Variants in RNF17 observed in about 807,000 individuals in gnomAD.
RNF17 encodes spermatogenesis associated 23.
RNF17 carries 31 observed loss-of-function variants against 200.5 expected under a neutral mutation model. The ratio of observed to expected loss-of-function variants is 0.15; its 90% confidence interval spans 0.12 to 0.21. RNF17 has a LOEUF of 0.21. Ranked by LOEUF, RNF17 falls within the 10% of genes least tolerant of loss-of-function variation. The probability of loss-of-function intolerance (pLI) is 1.00; values close to 1 mark genes in which losing one functional copy is unlikely to be tolerated. For missense variants in RNF17, 1,628 were observed against 1,905.1 expected (o/e 0.85, Z 2.71); for synonymous variants, 606 against 637.8 (o/e 0.95, Z 0.75).
chr13:24,767,063 G>C (rs1879800419), intron 1 of RNF17, among the ~76,000 whole-genome samples: 2 of 152,108 alleles, frequency 1.3e-5, no homozygotes, highest in Non-Finnish European at 2.9e-5. Flanking sequence ...AATCACAATA[G>C]AATTTCTTCA....
intron 24 of RNF17, 95 bp from the exon 25 acceptor site, chr13:24,853,760 A>T: frequency 1.1e-6 from 1 of 891,886 alleles, no homozygotes; most frequent in Non-Finnish European, 1.6e-6. Flanking sequence ...ATTTTCTTTC[A>T]ATTTCATGTA....
chr13:24,860,080 A>C (rs1322924109), intron 26 of RNF17, among the ~76,000 whole-genome samples: 2 of 151,822 alleles, frequency 1.3e-5, no homozygotes, highest in East Asian at 3.9e-4. Flanking sequence ...AAATAGTTTC[A>C]AATTTGGGGT....
chr13:24,877,336 A>G (rs1336752889), intron 34 of RNF17, 150 bp downstream of exon 34: 6 of 582,200 alleles, frequency 1.0e-5, no homozygotes, highest in East Asian at 6.7e-5. Context: ...AGCTTTATAT[A>G]TACATATAAA....
intron 18 of RNF17, among the ~76,000 whole-genome samples, chr13:24,840,578 G>T (rs183242720): frequency 1.5e-4 from 23 of 152,190 alleles, no homozygotes; most frequent in African/African-American, 5.1e-4. Context: ...AGCCATAAAA[G>T]GAATGAATTA....
Position 24,868,675 on chromosome 13 carries a change from C to A in RNF17, c.4237C>A (p.Leu1413Ile), listed in dbSNP as rs767341285. Residue 1413 changes from leucine to isoleucine, a missense_variant, in exon 31 of 36, where the codon CTC becomes ATC. Physicochemically the swap from Leu to Ile is conservative, Grantham distance 5 (BLOSUM62 2). This residue lies in a region of RNF17 where 609 missense variants were observed against 681.9 expected (regional missense o/e 0.89). Coordinates refer to ENST00000255324, the MANE Select transcript of RNF17 (RefSeq NM_031277.3). Reference sequence around the variant, plus strand: ...TTCATCTCTGCCTTCCCCAGGAGAACTCTATGCTGTTCAAGTTAAGCACGT... The same window carrying A: ...TTCATCTCTGCCTTCCCCAGGAGAAATCTATGCTGTTCAAGTTAAGCACGT... ...LSSSLPSPGE[L>I]YAVQVKHVVS... 2.5e-6 allele frequency: 4 copies of A among 1,604,470 alleles called. No individual in the cohort carries two copies. The South Asian group carries it at 4.4e-5, about 18-fold the overall frequency.
intron 1 of RNF17, 86 bp from the exon 2 acceptor site, chr13:24,767,186 T>C: frequency 1.1e-6 from 1 of 873,382 alleles, no homozygotes; most frequent in East Asian, 2.6e-5. Flanking sequence ...CTGGTGCCAC[T>C]ACACTCCAGC....
chr13:24,804,980 T>C (rs1885673802), intron 15 of RNF17, among the ~76,000 whole-genome samples: 1 of 152,182 alleles, frequency 6.6e-6, no homozygotes, highest in Non-Finnish European at 1.5e-5. Flanking sequence ...AGAAAGACAC[T>C]GTTGTCTCCA....
intron 5 of RNF17, among the ~76,000 whole-genome samples, chr13:24,780,756 C>G (rs903372864): frequency 2.0e-5 from 3 of 152,040 alleles, no homozygotes; most frequent in African/African-American, 7.2e-5. Context: ...GTGGCACCCA[C>G]CTGTAGTTCC....
intron 12 of RNF17, 88 bp downstream of exon 12, chr13:24,799,672 G>A: frequency 1.3e-6 from 1 of 781,654 alleles, no homozygotes; most frequent in South Asian, 1.9e-5. Context: ...ATTAGAGGTA[G>A]AGAGGAGTAA....
chr13:24,802,876 C>T (rs187212999), intron 14 of RNF17, among the ~76,000 whole-genome samples: 1 of 152,210 alleles, frequency 6.6e-6, no homozygotes, highest in East Asian at 1.9e-4. Context: ...CATAGCTAGA[C>T]CTCGTCTCTA....
At chr13:24,761,137 A>G (rs1252839461), upstream of RNF17, among the ~76,000 whole-genome samples, 1 of 152,210 alleles carries the variant, frequency 6.6e-6, no homozygotes, top group Admixed American at 6.5e-5. Flanking sequence ...ACGTCTATTC[A>G]ATAGATTAAT....
chr13:24,868,434 C>T (rs1182673983), intron 30 of RNF17, among the ~76,000 whole-genome samples, 166 bp from the exon 31 acceptor site: 1 of 125,548 alleles, frequency 8.0e-6, no homozygotes, highest in East Asian at 2.4e-4. Context: ...CCCGCCACTG[C>T]ACTCCAGCCT....
chr13:24,748,587 A>G, the RNF17 span, among the ~76,000 whole-genome samples: 36,499 of 152,162 alleles, frequency 0.24, 5,126 homozygotes, highest in East Asian at 0.45. Context: ...AACGAGTAAA[A>G]TGGTAAGGTG....
chr13:24,882,867 C>T (rs570499935), downstream of RNF17: 1 of 207,404 alleles, frequency 4.8e-6, no homozygotes, highest in East Asian at 7.4e-5. Context: ...ACTTCCTGTA[C>T]TTCTTGGTTT....
At chr13:24,854,690 C>A (rs1220867738) in intron 25 of RNF17, among the ~76,000 whole-genome samples, 1 of 152,078 alleles carries the variant, frequency 6.6e-6, no homozygotes, top group Non-Finnish European at 1.5e-5. Context: ...AGTGGGAAAT[C>A]TAATAGGAAT....
intron 27 of RNF17, among the ~76,000 whole-genome samples, chr13:24,861,695 G>A (rs1359713264): frequency 6.6e-6 from 1 of 152,214 alleles, no homozygotes; most frequent in Admixed American, 6.5e-5. Flanking sequence ...TCAGATAAAA[G>A]AGTGTCTTAT....
At chr13:24,811,919 C>T (rs1207433796) in intron 15 of RNF17, among the ~76,000 whole-genome samples, 1 of 152,170 alleles carries the variant, frequency 6.6e-6, no homozygotes, top group South Asian at 2.1e-4. Flanking sequence ...TGTCAGTCTA[C>T]CCCTGCTGGG....
At chr13:24,842,007 T>C (rs758453869) in intron 18 of RNF17, 34 bp from the exon 19 acceptor site, 9 of 1,576,338 alleles carry the variant, frequency 5.7e-6, no homozygotes, top group Admixed American at 3.8e-5. Context: ...TTGTGACATA[T>C]TTCTTTCCCC....
chr13:24,851,544 A>C lies in RNF17; in HGVS notation c.3293A>C (p.Lys1098Thr). 1 of 1,612,678 alleles carries C rather than the reference A, an allele frequency of 6.2e-7. No individual in the cohort carries two copies. ...GTTGATGTTTCTAAATATTTGATTA[A>C]AAAGGGTTTGGCTTTGAGAGAAAGG... ...ERVDVSKYLI[K>T]KGLALRERRI... Residue 1098 changes from lysine (K) to threonine (T), a missense_variant, in exon 24 of 36, where the codon AAA becomes ACA. Transcript: ENST00000255324.
Sources: gnomAD v4.1 joint callset for allele counts (sites outside exome capture counted in the v4.1 genomes callset) on GRCh38, gnomAD v4.1.1 for gene constraint, gnomAD v4.1.1 regional missense constraint, MANE v1.5 for transcripts, NCBI Gene and HGNC (gene_info 2026-07-23, HGNC 2026-07-21) for gene names.